Variants in SYN2 observed in about 807,000 individuals in gnomAD.
The protein encoded by SYN2 is synapsin-2.
SYN2 carries 19 observed loss-of-function variants against 50.9 expected under a neutral mutation model. The ratio of observed to expected loss-of-function variants is 0.37; its 90% CI spans 0.26 to 0.55. The LOEUF (loss-of-function observed/expected upper bound fraction) is 0.55. SYN2 is among the 20% of genes least tolerant of loss of function. SYN2 has a pLI of 0.81. For synonymous variants in SYN2, 255 were observed against 224.9 expected (o/e 1.13, Z -1.20); for missense variants, 587 against 576.4 (o/e 1.02, Z -0.19).
At chr3:12,150,017 A>G (rs953364120) in intron 4 of SYN2, among the ~76,000 whole-genome samples, 2 of 152,242 alleles carry the variant, frequency 1.3e-5, no homozygotes, top group Non-Finnish European at 2.9e-5. Context: ...AACAAGAATC[A>G]GAAGATTCCA....
chr3:12,047,414 G>C (rs529189926), intron 1 of SYN2, among the ~76,000 whole-genome samples: 2 of 152,072 alleles, frequency 1.3e-5, no homozygotes, highest in African/African-American at 4.8e-5. Flanking sequence ...TGATGGAAGG[G>C]GTACTATTTG....
intron 1 of SYN2, among the ~76,000 whole-genome samples, chr3:12,138,329 A>G (rs756426442): frequency 4.6e-5 from 7 of 152,202 alleles, no homozygotes; most frequent in Admixed American, 1.3e-4. Context: ...AGGCATTAGG[A>G]TAGCTAGAGA....
intron 5 of SYN2, chr3:12,154,296 C>A: frequency 1.2e-6 from 2 of 1,614,074 alleles, no homozygotes; most frequent in Non-Finnish European, 1.7e-6. Context: ...TCCCCCATCC[C>A]TAAAGACTTT....
intron 10 of SYN2, among the ~76,000 whole-genome samples, chr3:12,181,300 C>G (rs1431854819): frequency 6.6e-6 from 1 of 152,214 alleles, no homozygotes; most frequent in Non-Finnish European, 1.5e-5. Flanking sequence ...GGGCATGAGG[C>G]CCTGGGGGAG....
At chr3:12,168,534 C>A in intron 9 of SYN2, 56 bp downstream of exon 9, 3 of 1,428,018 alleles carry the variant, frequency 2.1e-6, no homozygotes, top group Non-Finnish European at 2.9e-6. Flanking sequence ...ACTATGTGGG[C>A]AGCTCAGACT....
intron 1 of SYN2, among the ~76,000 whole-genome samples, chr3:12,026,681 A>G (rs1694266208): frequency 6.6e-6 from 1 of 152,204 alleles, no homozygotes; most frequent in African/African-American, 2.4e-5. Flanking sequence ...GTGTGTGATG[A>G]AAAGGGCAAG....
chr3:12,070,656 T>TC, intron 1 of SYN2: 2 of 1,307,888 alleles, frequency 1.5e-6, no homozygotes, highest in Non-Finnish European at 2.1e-6. Context: ...GGCCATGCTG[T>TC]CCCTCTATGC....
At chr3:12,074,401 C>A (rs932455702) in intron 1 of SYN2, among the ~76,000 whole-genome samples, 1 of 152,046 alleles carries the variant, frequency 6.6e-6, no homozygotes, top group African/African-American at 2.4e-5. Flanking sequence ...TTCTTTCCTG[C>A]CTTCTACCAG....
chr3:12,024,195 CGCCCAGGCTGGA>C (rs1694206775), intron 1 of SYN2, among the ~76,000 whole-genome samples: 1 of 134,554 alleles, frequency 7.4e-6, no homozygotes, highest in African/African-American at 2.9e-5. Flanking sequence ...CTCACTCTGT[CGCCCAGGCTGGA>C]GTGCAGTGGT....
chr3:12,009,741 G>A (rs1693877446), intron 1 of SYN2, among the ~76,000 whole-genome samples: 1 of 152,180 alleles, frequency 6.6e-6, no homozygotes, highest in Non-Finnish European at 1.5e-5. Flanking sequence ...AGTGACACCA[G>A]CAATTACACT....
intron 1 of SYN2, among the ~76,000 whole-genome samples, chr3:12,112,495 G>T (rs760752902): frequency 6.6e-6 from 1 of 152,036 alleles, no homozygotes. Context: ...CAAAAATTTT[G>T]CAGTGGAGTT....
At chr3:12,161,794 C>A in intron 6 of SYN2, 186 bp downstream of exon 6, 1 of 954,622 alleles carries the variant, frequency 1.0e-6, no homozygotes, top group Non-Finnish European at 1.6e-6. Flanking sequence ...GAATGCAAGC[C>A]ACCTGCTTGG....
At position 12,059,509 on chromosome 3, in the gene SYN2, G is replaced by A. The variant is rs544721701; in HGVS notation, c.377+54581G>A. Among the ~76,000 whole-genome samples the A allele has an allele frequency of 8.0e-4, 121 of 152,192 alleles. 1 individual carries two copies. Among genetic ancestry groups the A allele is most frequent in the Middle Eastern group, 3.4e-3 (1 of 294 alleles). The stretch of plus-strand genomic sequence containing the variant: ...CAGGAAGAAATTTAAAACAAAGAAC[G>A]GTGGTCAGAATTCAGTCTTCATTGC... On this transcript the variant is annotated intron_variant, in intron 1 of 12. Coordinates refer to ENST00000621198, the MANE Select transcript of SYN2 (RefSeq NM_133625.6).
At chr3:12,160,720 C>T (rs1697626950) in intron 5 of SYN2, among the ~76,000 whole-genome samples, 2 of 152,188 alleles carry the variant, frequency 1.3e-5, no homozygotes, top group African/African-American at 2.4e-5. Flanking sequence ...AAGTCCGTGG[C>T]AGAAGAGGAC....
intron 1 of SYN2, among the ~76,000 whole-genome samples, chr3:12,112,236 T>C (rs1696334740): frequency 6.6e-6 from 1 of 152,184 alleles, no homozygotes; most frequent in Admixed American, 6.6e-5. Context: ...GACTGTCTGC[T>C]ATCCCCTGCC....
At chr3:12,044,162 C>CTCTCTCTG (rs1694681079) in intron 1 of SYN2, among the ~76,000 whole-genome samples, 2 of 48,972 alleles carry the variant, frequency 4.1e-5, no homozygotes, top group African/African-American at 8.5e-5. Flanking sequence ...AGGCAAAGTT[C>CTCTCTCTG]TCTCTCTCTC....
intron 1 of SYN2, among the ~76,000 whole-genome samples, chr3:12,023,372 C>T (rs182031372): frequency 6.2e-4 from 94 of 151,738 alleles, no homozygotes; most frequent in Non-Finnish European, 1.1e-3. Flanking sequence ...CCCCCCCCAC[C>T]CCCAAAGAAA....
At position 12,191,090 on chromosome 3, in the gene SYN2, A is replaced by T. The variant is rs191855283; in HGVS notation, c.*465A>T. The T allele has an allele frequency of 1.1e-5, 11 of 986,536 alleles. No homozygotes were observed. Among genetic ancestry groups the T allele is most frequent in the Non-Finnish European group, 1.3e-5 (11 of 830,758 alleles). The allele number at this position is 986,536 out of a possible 1,614,324, so 61.1% of individuals were successfully genotyped here. On this transcript the variant is annotated 3_prime_UTR_variant, in exon 13 of 13. Coordinates refer to ENST00000621198, the MANE Select transcript of SYN2 (RefSeq NM_133625.6). ...AGTACTCTTGGCCCTAAGTTTTAGG[A>T]ACTTTCCCCGACCTGGATCCCTTGT... is the stretch of plus-strand genomic sequence containing the variant.
chr3:12,153,424 G>T lies in SYN2; in HGVS notation c.774+2098G>T, dbSNP rs959970070. 2.9e-5 allele frequency: 41 copies of T among 1,429,678 alleles called. 1 individual carries two copies. The highest frequency in any genetic ancestry group is 5.0e-5 in the Admixed American group (3 of 59,478). 88.6% of individuals were successfully genotyped at this position (1,429,678 alleles called of 1,614,324 possible). On this transcript the variant is annotated intron_variant, in intron 5 of 12. Coordinates refer to ENST00000621198, the MANE Select transcript of SYN2 (RefSeq NM_133625.6). ...CACTTCTTATTAGCTGGCAGCAAGA[G>T]GTCAGGTGGTAATGGCCAAAGCTCT... is the stretch of plus-strand genomic sequence containing the variant.
Sources: allele counts gnomAD v4.1 joint callset (sites outside exome capture counted in the v4.1 genomes callset), GRCh38; gene constraint gnomAD v4.1.1; transcripts MANE v1.5; gene names NCBI Gene and HGNC (gene_info 2026-07-23, HGNC 2026-07-21).